Variants in CAPN11 observed in about 807,000 individuals in gnomAD.
CAPN11 encodes calpain-11.
A neutral mutation model predicts 105.3 loss-of-function variants in CAPN11; 108 were observed. The ratio of observed to expected loss-of-function variants is 1.03; its 90% CI spans 0.88 to 1.20. The LOEUF is 1.20. Ranked by LOEUF, CAPN11 falls within the 50% of genes most tolerant of loss-of-function variation. The probability of loss-of-function intolerance (pLI) is 0.00; values close to 1 mark genes in which losing one functional copy is unlikely to be tolerated. For missense variants in CAPN11, 883 were observed against 924.8 expected, an observed-to-expected ratio of 0.95 and a Z score of 0.59; for synonymous variants, 329 against 344.5, an observed-to-expected ratio of 0.96 and a Z score of 0.50.
intron 1 of CAPN11, among the ~76,000 whole-genome samples, chr6:44,160,632 AAAC>A (rs534571631): frequency 3.4e-4 from 51 of 152,052 alleles, no homozygotes; most frequent in African/African-American, 9.6e-4. Flanking sequence ...AAACCTCAAA[AAAC>A]AACAACAACA....
At chr6:44,165,993 A>G (rs542954687) in intron 1 of CAPN11, among the ~76,000 whole-genome samples, 1 of 152,078 alleles carries the variant, frequency 6.6e-6, no homozygotes, top group East Asian at 1.9e-4. Flanking sequence ...TAGCAATGAG[A>G]AATTAGGGTC....
At chr6:44,179,855 T>C (rs1772829549) in intron 13 of CAPN11, 97 bp from the exon 14 acceptor site, 1 of 1,022,960 alleles carries the variant, frequency 9.8e-7, no homozygotes. Context: ...TGGTGGCACC[T>C]ACCTCCAACC....
intron 4 of CAPN11, among the ~76,000 whole-genome samples, chr6:44,171,173 C>T (rs1191183886): frequency 6.6e-6 from 1 of 152,206 alleles, no homozygotes; most frequent in African/African-American, 2.4e-5. Context: ...ATCATAGAAA[C>T]TTTCTGCTCC....
At position 44,176,235 on chromosome 6, in the gene CAPN11, C is replaced by T. The variant is rs1266098200; in HGVS notation, c.916-18C>T. On this transcript the variant is annotated intron_variant, in intron 8 of 22. Coordinates refer to ENST00000398776, the MANE Select transcript of CAPN11 (RefSeq NM_007058.4). ...CTGACCCCATAACTCTGACCTTTAA[C>T]CACCCCCGCCCACCCAGGTCCACTA... 1.4e-6 allele frequency: 2 copies of T among 1,463,526 alleles called. No individual in the cohort carries two copies. Among genetic ancestry groups the T allele is most frequent in the East Asian group, 2.4e-5 (1 of 41,022 alleles). The allele number at this position is 1,463,526 out of a possible 1,614,324, so 90.7% of individuals were successfully genotyped here.
rs534571631 is a variant in CAPN11, at chr6:44,160,632, A to AAAC, written c.16+1789_16+1791dup. ...ACTCCGCCTCAAAAAAAACCTCAAA[A>AAAC]AACAACAACAACAACAACAACAAAA... On this transcript the variant is annotated intron_variant, in intron 1 of 22. Coordinates refer to ENST00000398776, the MANE Select transcript of CAPN11 (RefSeq NM_007058.4). Among the ~76,000 whole-genome samples, 1,107 of 152,058 alleles carry AAAC rather than the reference A, an allele frequency of 7.3e-3. 8 individuals carry two copies. The highest frequency in any genetic ancestry group is 9.8e-3 in the Non-Finnish European group (667 of 67,960).
In CAPN11 at chr6:44,177,373, CG is replaced by C; in HGVS notation, c.1371del (p.Gln458SerfsTer28). ...ALMQKNWRHA[R>X]QQGAQLQTIG... ...AATGCAGAAGAACTGGCGGCATGCA[CG>C]GCAGCAGGGAGCCCAGCTGCAGACC... On this transcript the variant is annotated frameshift_variant, in exon 12 of 23. Transcript: ENST00000398776. LOFTEE classifies it high-confidence loss of function. 1 of 1,613,854 alleles carries C rather than the reference CG, an allele frequency of 6.2e-7. No homozygotes were observed. Among genetic ancestry groups the C allele is most frequent in the Non-Finnish European group, 8.5e-7 (1 of 1,179,868 alleles).
intron 7 of CAPN11, among the ~76,000 whole-genome samples, 182 bp downstream of exon 7, chr6:44,173,568 TTG>T (rs1491385983): frequency 1.5e-5 from 1 of 67,216 alleles, no homozygotes; most frequent in Non-Finnish European, 3.4e-5. Flanking sequence ...TACTTTCTTT[TTG>T]TTTTTTTTTG....
intron 14 of CAPN11, 133 bp downstream of exon 14, chr6:44,180,296 G>T: frequency 1.1e-6 from 1 of 907,462 alleles, no homozygotes; most frequent in East Asian, 2.6e-5. Flanking sequence ...GCATGAGAAG[G>T]TGAAGTCCCA....
At chr6:44,164,035 G>T (rs1169531086) in intron 1 of CAPN11, among the ~76,000 whole-genome samples, 2 of 151,716 alleles carry the variant, frequency 1.3e-5, no homozygotes, top group Non-Finnish European at 2.9e-5. Flanking sequence ...GTAGACACAG[G>T]GGTCTCACCA....
At chr6:44,159,721 TA>T (rs1170761473) in intron 1 of CAPN11, among the ~76,000 whole-genome samples, 2 of 151,984 alleles carry the variant, frequency 1.3e-5, no homozygotes, top group Admixed American at 1.3e-4. Flanking sequence ...TATTATTACT[TA>T]TTAGTATTTA....
chr6:44,181,703 TCACACA>T (rs1194837386), intron 19 of CAPN11, among the ~76,000 whole-genome samples: 1 of 6,528 alleles, frequency 1.5e-4, no homozygotes, highest in Non-Finnish European at 3.0e-4. Context: ...CACACCACAC[TCACACA>T]CACACACACT....
At chr6:44,181,216 T>G in intron 18 of CAPN11, 36 bp from the exon 19 acceptor site, 1 of 1,604,200 alleles carries the variant, frequency 6.2e-7, no homozygotes, top group Non-Finnish European at 8.5e-7. Context: ...GGATGCCTTC[T>G]TCACTCCTTC....
At position 44,183,920 on chromosome 6, in the gene CAPN11, C is replaced by T. The variant is rs763758192; in HGVS notation, c.2208C>T (p.Thr736=). Residue 736 remains threonine, a synonymous_variant, in exon 23 of 23, where the codon ACC becomes ACT. Coordinates refer to ENST00000398776, the MANE Select transcript of CAPN11 (RefSeq NM_007058.4). ...TGTCTCCACAGTGGCTGCAGATGAC[C>T]ATGTGGGGATAGAGGCGCTGTAGGA... ...CLSLEQWLQM[T]MWG The T allele has an allele frequency of 4.4e-5, 68 of 1,557,026 alleles. No homozygotes were observed. Among genetic ancestry groups the T allele is most frequent in the Admixed American group, 1.4e-4 (7 of 51,780 alleles).
intron 13 of CAPN11, 52 bp downstream of exon 13, chr6:44,179,682 C>A: frequency 6.3e-7 from 1 of 1,588,038 alleles, no homozygotes; most frequent in Non-Finnish European, 8.6e-7. Context: ...CCCACTCCAC[C>A]CCTGGCTGCA....
chr6:44,182,827 G>C, intron 19 of CAPN11, 114 bp from the exon 20 acceptor site: 1 of 726,866 alleles, frequency 1.4e-6, no homozygotes, highest in African/African-American at 1.7e-5. Flanking sequence ...GCCTGCCTCG[G>C]CCTTTCAAAG....
chr6:44,167,270 A>G (rs1770080855), intron 2 of CAPN11, among the ~76,000 whole-genome samples: 2 of 151,152 alleles, frequency 1.3e-5, no homozygotes, highest in Non-Finnish European at 1.5e-5. Context: ...AGGCTGAGGC[A>G]GGTGGATCAC....
chr6:44,180,753 G>A lies in CAPN11; in HGVS notation c.1752G>A (p.Lys584=), dbSNP rs1773006257. The change falls in exon 17 of 23, where the codon AAG becomes AAA. Residue 584 remains lysine, a synonymous_variant. Coordinates refer to ENST00000398776, the MANE Select transcript of CAPN11 (RefSeq NM_007058.4). The stretch of plus-strand genomic sequence containing the variant: ...TTCACAGTTCCCCTTCCTAGGGCAA[G>A]GAGATAGGGGTGTATGAGCTCCAGA... ...HLFKIVAGEG[K]EIGVYELQRL... The A allele has an allele frequency of 1.9e-6, 3 of 1,613,748 alleles. No individual in the cohort carries two copies. Among genetic ancestry groups the A allele is most frequent in the East Asian group, 2.2e-5 (1 of 44,872 alleles).
At chr6:44,173,564 CTTTT>C (rs1474000827) in intron 7 of CAPN11, among the ~76,000 whole-genome samples, 178 bp downstream of exon 7, 1 of 75,356 alleles carries the variant, frequency 1.3e-5, no homozygotes, top group South Asian at 3.4e-4. Context: ...TATTTACTTT[CTTTT>C]TGTTTTTTTT....
At position 44,166,051 on chromosome 6, in the gene CAPN11, G is replaced by A. The variant is rs573223681; in HGVS notation, c.17-707G>A. Reference sequence around the variant, plus strand: ...AGGACTCCATGACTGTTTTGATGTGGGATGCGGTGTGTTGGGATCTTGGGG... The same window carrying A: ...AGGACTCCATGACTGTTTTGATGTGAGATGCGGTGTGTTGGGATCTTGGGG... On this transcript the variant is annotated intron_variant, in intron 1 of 22. Transcript: ENST00000398776. Among the ~76,000 whole-genome samples the A allele has an allele frequency of 2.5e-4, 38 of 152,192 alleles. 1 individual carries two copies. In the Middle Eastern group the frequency reaches 0.01, roughly 41 times the overall value.
Sources: gnomAD v4.1 joint callset for allele counts (sites outside exome capture counted in the v4.1 genomes callset) on GRCh38, gnomAD v4.1.1 for gene constraint, MANE v1.5 for transcripts, NCBI Gene and HGNC (gene_info 2026-07-23, HGNC 2026-07-21) for gene names.